NUMA1: variants seen among roughly 807,000 people sequenced by gnomAD.
NUMA1 encodes SP-H antigen.
In NUMA1, 62 loss-of-function variants were observed where a neutral mutation model predicts 237.1. The observed-to-expected ratio is 0.26, with a 90% CI of 0.21 to 0.32. NUMA1 has a LOEUF of 0.32. Ranked by LOEUF, NUMA1 falls within the 10% of genes least tolerant of loss-of-function variation. The probability of loss-of-function intolerance (pLI) is 1.00; values close to 1 mark genes in which losing one functional copy is unlikely to be tolerated. For synonymous variants in NUMA1, 1,028 were observed against 1,066.1 expected, an observed-to-expected ratio of 0.96 and a Z score of 0.70; for missense variants, 2,533 against 2,666.5, an observed-to-expected ratio of 0.95 and a Z score of 1.10.
chr11:72,046,965 A>G (rs1452210504), intron 2 of NUMA1, among the ~76,000 whole-genome samples: 3 of 152,118 alleles, frequency 2.0e-5, no homozygotes, highest in African/African-American at 7.2e-5. Context: ...ATTGCAAAAA[A>G]AGAGAAAAAA....
rs547430538 is a variant in NUMA1, at chr11:72,003,832, G to C, written c.6336+55C>G. 5.7e-6 allele frequency: 9 copies of C among 1,574,610 alleles called. No individual in the cohort carries two copies. The South Asian group carries it at 7.8e-5, about 14-fold the overall frequency. On this transcript the variant is annotated intron_variant, in intron 26 of 26. Transcript: ENST00000393695. ...GGATGCTACTTGGTGGGGCGGTCTG[G>C]GGGGTGCCCATGCTCTCATCGGGTT...
rs1302494004 is a variant in NUMA1, at chr11:72,018,829, C to T, written c.736G>A (p.Glu246Lys). Residue 246 changes from glutamate (E) to lysine (K), a missense_variant, in exon 10 of 27, where the codon GAG becomes AAG. Around this residue, in one of 3 missense-constraint regions of NUMA1, gnomAD observed 1,414 missense variants for 1,508.1 expected, o/e 0.94. Transcript: ENST00000393695. Reference protein sequence around the residue: ...ELAENRKLLTEKDAQIAMMQQ... With the variant: ...ELAENRKLLTKKDAQIAMMQQ... ...CAGTGTGCCAGCCACCTACCCTTCT[C>T]GGTGAGGAGCTTGCGGTTCTCAGCT... The T allele has an allele frequency of 6.8e-6, 11 of 1,608,998 alleles. No individual in the cohort carries two copies. Among genetic ancestry groups the T allele is most frequent in the East Asian group, 4.5e-5 (2 of 44,858 alleles).
chr11:72,029,257 C>A lies in NUMA1; in HGVS notation c.76G>T (p.Ala26Ser), dbSNP rs1346486338. Residue 26 changes from alanine (A) to serine (S), a missense_variant, in exon 4 of 27, where the codon GCT becomes TCT. Physicochemically the swap from Ala to Ser is moderately conservative, Grantham distance 99. Coordinates refer to ENST00000393695, the MANE Select transcript of NUMA1 (RefSeq NM_006185.4). ...NSLHVADPVE[A>S]VLQLQDCSIF... ...CTGCAGTCCTGGAGCTGCAGCACAG[C>A]CTCCACAGGGTCAGCCACGTGTAGA... is the stretch of plus-strand genomic sequence containing the variant. 1.2e-6 allele frequency: 2 copies of A among 1,610,452 alleles called. No individual in the cohort carries two copies. Among genetic ancestry groups the A allele is most frequent in the African/African-American group, 1.3e-5 (1 of 74,924 alleles).
Position 72,029,218 on chromosome 11 carries a change from T to C in NUMA1, c.115A>G (p.Ile39Val). 1 of 1,611,472 alleles carries C rather than the reference T, an allele frequency of 6.2e-7. No individual in the cohort carries two copies. The highest frequency in any genetic ancestry group is 8.5e-7 in the Non-Finnish European group (1 of 1,179,482). ...GTGCGTACTCACATTCTGTCAATGATCTTGATGAAGATGCTGCAGTCCTGG... is the reference window on the plus strand; with the variant it reads ...GTGCGTACTCACATTCTGTCAATGACCTTGATGAAGATGCTGCAGTCCTGG... ...QLQDCSIFIK[I>V]IDRIHGTEEG... is the part of the protein sequence containing the mutation. Residue 39 changes from isoleucine to valine, a missense_variant, in exon 4 of 27, where the codon ATC becomes GTC. Around this residue, in one of 3 missense-constraint regions of NUMA1, gnomAD observed 1,414 missense variants for 1,508.1 expected, o/e 0.94. Coordinates refer to ENST00000393695, the MANE Select transcript of NUMA1 (RefSeq NM_006185.4).
chr11:72,008,520 CT>C, intron 20 of NUMA1, 167 bp downstream of exon 20: 1 of 761,290 alleles, frequency 1.3e-6, no homozygotes. Context: ...TGACCACTTG[CT>C]TTTTATTCCA....
At chr11:72,036,760 C>T (rs1486200063) in intron 2 of NUMA1, among the ~76,000 whole-genome samples, 3 of 152,112 alleles carry the variant, frequency 2.0e-5, no homozygotes, top group Non-Finnish European at 4.4e-5. Flanking sequence ...GTTCTCATCC[C>T]CAATTTCCTT....
chr11:72,018,564 GCGGAACTATGTGCA>G (rs762849220), intron 10 of NUMA1, 51 bp from the exon 11 acceptor site: 33 of 1,480,884 alleles, frequency 2.2e-5, no homozygotes, highest in Non-Finnish European at 3.1e-5. Flanking sequence ...ATGTGCATGA[GCGGAACTATGTGCA>G]CAGAACTATG....
At chr11:72,044,602 T>G (rs1218527930) in intron 2 of NUMA1, among the ~76,000 whole-genome samples, 3 of 139,456 alleles carry the variant, frequency 2.2e-5, no homozygotes, top group Admixed American at 1.5e-4. Context: ...GGGGTTACTT[T>G]GGGGGGGGGG....
intron 15 of NUMA1, among the ~76,000 whole-genome samples, 156 bp from the exon 16 acceptor site, chr11:72,012,598 C>T (rs922751469): frequency 1.3e-5 from 2 of 152,144 alleles, no homozygotes; most frequent in Admixed American, 6.5e-5. Context: ...GATTCTAATC[C>T]CCAGTGGCTC....
chr11:72,003,853 G>A lies in NUMA1; in HGVS notation c.6336+34C>T, dbSNP rs566967734. 1.8e-5 allele frequency: 29 copies of A among 1,606,602 alleles called. No individual in the cohort carries two copies. In the East Asian group the frequency reaches 2.2e-4, roughly 12 times the overall value. On this transcript the variant is annotated intron_variant, in intron 26 of 26. Coordinates refer to ENST00000393695, the MANE Select transcript of NUMA1 (RefSeq NM_006185.4). ...TCTGGGGGGTGCCCATGCTCTCATC[G>A]GGTTTCCCTCCCCCATCCTGCCAGT...
intron 4 of NUMA1, 27 bp downstream of exon 4, chr11:72,029,178 C>T: frequency 3.2e-6 from 5 of 1,558,310 alleles, no homozygotes; most frequent in Non-Finnish European, 4.4e-6. Context: ...GCCTTAGAGG[C>T]TAGAAAGGGG....
Position 72,037,786 on chromosome 11 carries a change from A to G in NUMA1, c.-32-1811T>C, listed in dbSNP as rs146943201. On this transcript the variant is annotated intron_variant, in intron 2 of 26. Transcript: ENST00000393695. ...AATTCACCTGGGCTTTGGCAAGGGC[A>G]AATGAAATGGTTAAGAGAGCTCTCA... 1.0e-3 allele frequency among the ~76,000 whole-genome samples: 159 copies of G among 152,378 alleles called. 1 individual carries two copies. The highest frequency in any genetic ancestry group is 1.3e-3 in the Non-Finnish European group (89 of 68,046).
chr11:72,008,048 CTATGCCCCAG>C (rs975888820), intron 20 of NUMA1: 4 of 464,396 alleles, frequency 8.6e-6, no homozygotes, highest in Non-Finnish European at 1.3e-5. Flanking sequence ...GACTGCCCCT[CTATGCCCCAG>C]ATTCATCTGT....
chr11:72,012,392 A>T lies in NUMA1; in HGVS notation c.4650+9T>A, dbSNP rs751932247. The T allele has an allele frequency of 1.1e-5, 18 of 1,612,452 alleles. No individual in the cohort carries two copies. The South Asian group carries it at 1.7e-4, about 15-fold the overall frequency. ...GCAGCCAGCATTTAGCGAGGACCTC[A>T]GGCATTACCTGCTTAGTTTGCTCTC... On this transcript the variant is annotated intron_variant, in intron 16 of 26. Coordinates refer to ENST00000393695, the MANE Select transcript of NUMA1 (RefSeq NM_006185.4).
Position 72,015,924 on chromosome 11 carries a change from G to C in NUMA1, c.1579C>G (p.Gln527Glu), listed in dbSNP as rs751095329. 1 of 1,614,068 alleles carries C rather than the reference G, an allele frequency of 6.2e-7. No individual in the cohort carries two copies. Among genetic ancestry groups the C allele is most frequent in the Non-Finnish European group, 8.5e-7 (1 of 1,180,010 alleles). ...QDQELAGLKQQAKEKQAQLAQ... is the reference protein window; with the variant it reads ...QDQELAGLKQEAKEKQAQLAQ... ...AGCTGGGCCTGCTTCTCTTTGGCCT[G>C]CTGCTTCAGGCCAGCCAGTTCTTGA... Residue 527 changes from glutamine to glutamate, a missense_variant, in exon 15 of 27, where the codon CAG becomes GAG. Physicochemically the swap from Gln to Glu is conservative, Grantham distance 29. This residue lies in a region of NUMA1 where 1,414 missense variants were observed against 1,508.1 expected (regional missense o/e 0.94). Transcript: ENST00000393695. The surrounding 1 kb of genome is among the most constrained non-coding windows in gnomAD (Gnocchi z 4.0).
At chr11:72,007,067 T>C in intron 21 of NUMA1, 122 bp downstream of exon 21, 2 of 1,215,788 alleles carry the variant, frequency 1.6e-6, no homozygotes, top group Non-Finnish European at 2.3e-6. Flanking sequence ...CTCTCAGCTT[T>C]CCCACTGTAA....
At chr11:72,003,689 A>G (rs527446273) in intron 26 of NUMA1, 151 bp from the exon 27 acceptor site, 4 of 1,093,682 alleles carry the variant, frequency 3.7e-6, no homozygotes, top group African/African-American at 3.1e-5. Context: ...GTGCCTGAGC[A>G]GCTCTGGGTG....
rs747476733 is a variant in NUMA1 at position 72,015,884 on chromosome 11, T to C, written c.1619A>G (p.Gln540Arg). 4 of 1,614,116 alleles carry C rather than the reference T, an allele frequency of 2.5e-6. No individual in the cohort carries two copies. The highest frequency in any genetic ancestry group is 1.7e-6 in the Non-Finnish European group (2 of 1,180,016). ...EKQAQLAQTL[Q>R]QQEQASQGLR... ...GCCCTGGGAGGCCTGTTCTTGCTGTTGGAGGGTCTGTGCTAGCTGGGCCTG... is the reference window on the plus strand; with the variant it reads ...GCCCTGGGAGGCCTGTTCTTGCTGTCGGAGGGTCTGTGCTAGCTGGGCCTG... The change falls in exon 15 of 27, where the codon CAA becomes CGA. Residue 540 changes from glutamine to arginine, a missense_variant. Coordinates refer to ENST00000393695, the MANE Select transcript of NUMA1 (RefSeq NM_006185.4). This position sits in a 1 kb window ranked among gnomAD's most constrained non-coding sequence, Gnocchi z 4.0.
At chr11:72,052,189 G>C (rs1033888349) in intron 2 of NUMA1, among the ~76,000 whole-genome samples, 2 of 152,266 alleles carry the variant, frequency 1.3e-5, no homozygotes, top group African/African-American at 4.8e-5. Context: ...GAGCTAAAGA[G>C]AACACTAAGA....
Sources: gnomAD v4.1 joint callset for allele counts (sites outside exome capture counted in the v4.1 genomes callset) on GRCh38, gnomAD v4.1.1 for gene constraint, gnomAD v4.1.1 regional missense constraint, Gnocchi (gnomAD v3.1) non-coding constraint, MANE v1.5 for transcripts, NCBI Gene and HGNC (gene_info 2026-07-23, HGNC 2026-07-21) for gene names.